The following BBOF1 variants were observed in gnomAD, a reference collection of about 807,000 sequenced individuals.
BBOF1 encodes basal body orientation factor 1.
In BBOF1, 62 loss-of-function variants were observed where a neutral mutation model predicts 68.0. The ratio of observed to expected loss-of-function variants is 0.91; its 90% CI spans 0.74 to 1.13. The LOEUF (loss-of-function observed/expected upper bound fraction) is 1.13, where lower values mean the gene tolerates loss of function less well. Ranked by LOEUF, BBOF1 falls within the 50% of genes most tolerant of loss-of-function variation. The pLI is 0.00. For synonymous variants in BBOF1, 208 were observed against 198.8 expected (o/e 1.05, Z -0.39); for missense variants, 534 against 600.1 (o/e 0.89, Z 1.15).
At chr14:74,027,634 T>C (rs559576806) in intron 2 of BBOF1, among the ~76,000 whole-genome samples, 127 of 152,054 alleles carry the variant, frequency 8.4e-4, no homozygotes, top group Admixed American at 1.9e-3. Flanking sequence ...GTGGAGAAAG[T>C]GGGCAGACAC....
At chr14:74,056,815 AT>A in intron 9 of BBOF1, 90 bp from the exon 10 acceptor site, 1 of 859,246 alleles carries the variant, frequency 1.2e-6, no homozygotes, top group Middle Eastern at 3.0e-4. Flanking sequence ...AAAATAAAAA[AT>A]AAAAAAAAAT....
intron 2 of BBOF1, among the ~76,000 whole-genome samples, chr14:74,025,791 C>T (rs1463036752): frequency 6.6e-6 from 1 of 151,954 alleles, no homozygotes; most frequent in East Asian, 1.9e-4. Flanking sequence ...ACCAGCATTC[C>T]TTGGAGAAAT....
chr14:74,060,595 TAAAG>T, intron 11 of BBOF1: 1 of 1,328,808 alleles, frequency 7.5e-7, no homozygotes, highest in Non-Finnish European at 1.1e-6. Context: ...TGGTCAAAAA[TAAAG>T]GGAGATTACT....
chr14:74,039,279 T>C (rs1418979751), intron 4 of BBOF1, among the ~76,000 whole-genome samples: 1 of 152,218 alleles, frequency 6.6e-6, no homozygotes, highest in East Asian at 1.9e-4. Flanking sequence ...TAACATTTTT[T>C]CAATAGATGC....
intron 2 of BBOF1, among the ~76,000 whole-genome samples, chr14:74,027,825 A>C (rs1214573956): frequency 6.6e-6 from 1 of 152,188 alleles, no homozygotes; most frequent in Non-Finnish European, 1.5e-5. Flanking sequence ...AGTCAATTTA[A>C]AAACAAAGAC....
intron 9 of BBOF1, chr14:74,071,784 C>A (rs922225176): frequency 1.6e-5 from 23 of 1,476,784 alleles, no homozygotes; most frequent in Non-Finnish European, 1.9e-5. Context: ...AAAAAGATAT[C>A]ATGGGATGGC....
chr14:74,071,533 C>T (rs1336823127), intron 9 of BBOF1: 3 of 1,612,792 alleles, frequency 1.9e-6, no homozygotes, highest in Non-Finnish European at 2.5e-6. Flanking sequence ...GCTCTCCACA[C>T]TGTGTACTAG....
In BBOF1 at chr14:74,019,490, G is replaced by A. The variant is rs1197832386; in HGVS notation, c.12G>A (p.Lys4=). 1 of 1,605,706 alleles carries A rather than the reference G, an allele frequency of 6.2e-7. No individual in the cohort carries two copies. Among genetic ancestry groups the A allele is most frequent in the Non-Finnish European group, 8.5e-7 (1 of 1,175,908 alleles). The change falls in exon 1 of 12, where the codon AAG becomes AAA. Residue 4 remains lysine, a synonymous_variant. Transcript: ENST00000394009. ...CTGGGGAAGCCAAGATGCCGTCGAA[G>A]GGAAAGGACAAAAAGAAAGGCAAGA... The part of the protein sequence containing the change: MPS[K]GKDKKKGKSK...
intron 4 of BBOF1, among the ~76,000 whole-genome samples, chr14:74,035,370 G>A (rs2141006941): frequency 6.7e-6 from 1 of 149,648 alleles, no homozygotes; most frequent in East Asian, 2.0e-4. Flanking sequence ...TGGCTGTTAA[G>A]TTGGTGCTGG....
chr14:74,028,710 T>A (rs948356246), intron 2 of BBOF1, among the ~76,000 whole-genome samples: 1 of 150,442 alleles, frequency 6.6e-6, no homozygotes, highest in Admixed American at 6.6e-5. Flanking sequence ...ACTCCATCTC[T>A]ATTTTTTTTT....
intron 9 of BBOF1, chr14:74,074,938 A>G (rs1188866335): frequency 6.2e-7 from 1 of 1,613,088 alleles, no homozygotes. Flanking sequence ...GTCAACCTCT[A>G]TGCCAAATAA....
Position 74,050,042 on chromosome 14 carries a change from G to A in BBOF1, c.1133G>A (p.Arg378Lys). The change falls in exon 8 of 12, where the codon AGG (arginine) becomes AAG (lysine). Residue 378 changes from arginine to lysine, a missense_variant. Arg to Lys is a conservative substitution (Grantham distance 26, BLOSUM62 2). Transcript: ENST00000394009. ...GTGAAGCAACAGATCCTAATTAGCA[G>A]GAAGCATTATAAGCAGATAGCACAA... The part of the protein sequence containing the change: ...HQVKQQILIS[R>K]KHYKQIAQAA... 3 of 1,614,094 alleles carry A rather than the reference G, an allele frequency of 1.9e-6. No individual in the cohort carries two copies. The highest frequency in any genetic ancestry group is 2.5e-6 in the Non-Finnish European group (3 of 1,180,024).
Position 74,050,092 on chromosome 14 carries a change from G to A in BBOF1, c.1183G>A (p.Ala395Thr). ...AGCTGCTTTCAATTTAAAAATGAGA[G>A]CAGCATGTACAGGAAGAACAGAATA... ...AQAAFNLKMRAACTGRTEYPK... is the reference protein window; with the variant it reads ...AQAAFNLKMRTACTGRTEYPK... The change falls in exon 8 of 12, where the codon GCA becomes ACA. Residue 395 changes from alanine to threonine, a missense_variant. Physicochemically the swap from Ala to Thr is moderately conservative, Grantham distance 58. Transcript: ENST00000394009. 1.9e-6 allele frequency: 3 copies of A among 1,613,920 alleles called. No individual in the cohort carries two copies. Among genetic ancestry groups the A allele is most frequent in the Non-Finnish European group, 2.5e-6 (3 of 1,179,922 alleles).
chr14:74,054,403 G>C (rs2060137453), intron 8 of BBOF1, among the ~76,000 whole-genome samples: 1 of 150,584 alleles, frequency 6.6e-6, no homozygotes, highest in African/African-American at 2.4e-5. Flanking sequence ...TTTTGAGTCG[G>C]AGTCTCGCTC....
chr14:74,062,336 T>A (rs2060364924), intron 11 of BBOF1, among the ~76,000 whole-genome samples: 1 of 151,994 alleles, frequency 6.6e-6, no homozygotes, highest in Admixed American at 6.6e-5. Flanking sequence ...GTGCGGTGAC[T>A]CACTCCTGTA....
intron 4 of BBOF1, among the ~76,000 whole-genome samples, chr14:74,037,521 C>T (rs1479219816): frequency 1.1e-4 from 17 of 147,954 alleles, no homozygotes. Context: ...AACTCCTGGG[C>T]TCAAGCAGTC....
chr14:74,032,561 T>G (rs1378187663), intron 3 of BBOF1, among the ~76,000 whole-genome samples: 3 of 151,348 alleles, frequency 2.0e-5, no homozygotes, highest in Admixed American at 2.0e-4. Flanking sequence ...TGGTGTGATC[T>G]CAGCTCACTG....
Position 74,051,520 on chromosome 14 carries a change from T to C in BBOF1, c.1286+1325T>C, listed in dbSNP as rs568756262. Among the ~76,000 whole-genome samples, 84 of 151,892 alleles carry C rather than the reference T, an allele frequency of 5.5e-4. 1 individual carries two copies. The highest frequency in any genetic ancestry group is 6.5e-4 in the Non-Finnish European group (44 of 68,024). On this transcript the variant is annotated intron_variant, in intron 8 of 11. Transcript: ENST00000394009. ...AATCAGTAGTGCCCCCAGCATTGTA[T>C]TAACCAAAAGTCCCCCAAAATTTTC...
chr14:74,072,978 T>C (rs1210535586), intron 9 of BBOF1, among the ~76,000 whole-genome samples: 1 of 152,232 alleles, frequency 6.6e-6, no homozygotes, highest in Non-Finnish European at 1.5e-5. Context: ...TTTTGTATTT[T>C]GAGTAGAGAT....
Sources: gnomAD v4.1 joint callset for allele counts (sites outside exome capture counted in the v4.1 genomes callset) on GRCh38, gnomAD v4.1.1 for gene constraint, MANE v1.5 for transcripts, NCBI Gene and HGNC (gene_info 2026-07-23, HGNC 2026-07-21) for gene names.